The following TRHDE variants were observed in gnomAD, a reference collection of about 807,000 sequenced individuals.
The protein encoded by TRHDE is thyrotropin-releasing hormone-degrading ectoenzyme.
In TRHDE, 72 loss-of-function variants were observed where a neutral mutation model predicts 125.7. That is an observed-to-expected ratio of 0.57 (90% CI 0.47 to 0.70). The LOEUF (loss-of-function observed/expected upper bound fraction) is 0.70. Ranked by LOEUF, TRHDE falls within the 30% of genes least tolerant of loss-of-function variation. The pLI is 0.00. For synonymous variants in TRHDE, 509 were observed against 509.1 expected, an observed-to-expected ratio of 1.00 and a Z score of 0.00; for missense variants, 1,110 against 1,327.1, an observed-to-expected ratio of 0.84 and a Z score of 2.54.
At chr12:72,430,291 GTATATATGTA>G (rs1198394562) in intron 3 of TRHDE, among the ~76,000 whole-genome samples, 10 of 138,432 alleles carry the variant, frequency 7.2e-5, no homozygotes, top group African/African-American at 2.2e-4. Context: ...TTGTGTGTGT[GTATATATGTA>G]TATATATGTA....
chr12:72,574,656 T>A (rs951649366), intron 10 of TRHDE, among the ~76,000 whole-genome samples: 2 of 152,092 alleles, frequency 1.3e-5, no homozygotes, highest in African/African-American at 4.8e-5. Flanking sequence ...TCCAAAGTGA[T>A]CCCAATAAGC....
chr12:72,205,613 G>A (rs1877648824), intron 2 of TRHDE, among the ~76,000 whole-genome samples: 1 of 152,046 alleles, frequency 6.6e-6, no homozygotes, highest in South Asian at 2.1e-4. Flanking sequence ...TGCAGTATTT[G>A]TCTTTATGTG....
At position 72,525,634 on chromosome 12, in the gene TRHDE, TGAGA is replaced by T. The variant is rs1204575457; in HGVS notation, c.1723-16638_1723-16635del. Among the ~76,000 whole-genome samples, 164 of 98,924 alleles carry T rather than the reference TGAGA, an allele frequency of 1.7e-3. 1 individual carries two copies. Among genetic ancestry groups the T allele is most frequent in the African/African-American group, 3.7e-3 (136 of 36,458 alleles). The allele number at this position is 98,924 out of a possible 152,430, so 64.9% of individuals were successfully genotyped here. A position where few individuals can be genotyped will look rare whatever the true frequency, so the allele number is the denominator to read the frequency against. ...GTGTGTGTGTGTGTGTGTGTGTGTGTGAGAGAGAGAGAGAGAGAGAGAAAGTTGG... is the reference window on the plus strand; with the variant it reads ...GTGTGTGTGTGTGTGTGTGTGTGTGTGAGAGAGAGAGAGAGAGAAAGTTGG... On this transcript the variant is annotated intron_variant, in intron 6 of 18. Coordinates refer to ENST00000261180, the MANE Select transcript of TRHDE (RefSeq NM_013381.3).
chr12:72,319,407 A>G (rs895297458), intron 2 of TRHDE, among the ~76,000 whole-genome samples: 2 of 152,210 alleles, frequency 1.3e-5, no homozygotes, highest in Non-Finnish European at 2.9e-5. Context: ...GACTTTAATC[A>G]ACAACATGAA....
At chr12:72,168,512 C>G (rs948251212) in intron 2 of TRHDE, among the ~76,000 whole-genome samples, 3 of 152,154 alleles carry the variant, frequency 2.0e-5, no homozygotes, top group African/African-American at 7.2e-5. Flanking sequence ...GCAGAAGAAG[C>G]TTTCTTGATC....
intron 3 of TRHDE, among the ~76,000 whole-genome samples, chr12:72,447,175 C>T (rs1233134473): frequency 6.6e-6 from 1 of 152,034 alleles, no homozygotes; most frequent in Non-Finnish European, 1.5e-5. Flanking sequence ...TCTCTCAGAC[C>T]ACAGTGCAAT....
At chr12:72,243,869 A>G (rs879589876) in intron 2 of TRHDE, among the ~76,000 whole-genome samples, 19 of 152,310 alleles carry the variant, frequency 1.2e-4, no homozygotes, top group Admixed American at 3.3e-4. Context: ...TGAAGCCTGG[A>G]ATTATTGTAG....
At chr12:72,400,948 G>A (rs1565727969) in intron 3 of TRHDE, among the ~76,000 whole-genome samples, 1 of 152,000 alleles carries the variant, frequency 6.6e-6, no homozygotes, top group Non-Finnish European at 1.5e-5. Flanking sequence ...TAAGATAAAT[G>A]CACTCCAATG....
intron 2 of TRHDE, among the ~76,000 whole-genome samples, chr12:72,243,525 C>A (rs1001795039): frequency 3.3e-5 from 5 of 152,046 alleles, no homozygotes; most frequent in African/African-American, 1.2e-4. Flanking sequence ...ATATTTATTA[C>A]CTGTTGAAAT....
At chr12:72,552,248 A>T (rs1565787518) in intron 7 of TRHDE, among the ~76,000 whole-genome samples, 1 of 152,182 alleles carries the variant, frequency 6.6e-6, no homozygotes, top group Non-Finnish European at 1.5e-5. Context: ...GGGCAAAAAA[A>T]GTGAGGAGGA....
Position 72,273,696 on chromosome 12 carries a change from T to C in TRHDE, c.914+139T>C. The C allele has an allele frequency of 2.5e-6, 2 of 811,022 alleles. No individual in the cohort carries two copies. Among genetic ancestry groups the C allele is most frequent in the Non-Finnish European group, 3.9e-6 (2 of 517,378 alleles). The allele number at this position is 811,022 out of a possible 1,614,324, so 50.2% of individuals were successfully genotyped here. A position where few individuals can be genotyped will look rare whatever the true frequency, so the allele number is the denominator to read the frequency against. On this transcript the variant is annotated intron_variant, in intron 1 of 18. Transcript: ENST00000261180. The surrounding 1 kb of genome is among the most constrained non-coding windows in gnomAD (Gnocchi z 5.3). ...TGGGGGGAAGGAAACGAAAGCGGAGTAGGGCAGTCAGAACTCCGGGGTCTC... is the reference window on the plus strand; with the variant it reads ...TGGGGGGAAGGAAACGAAAGCGGAGCAGGGCAGTCAGAACTCCGGGGTCTC...
At chr12:72,632,992 T>C (rs2136088294) in intron 15 of TRHDE, among the ~76,000 whole-genome samples, 1 of 152,174 alleles carries the variant, frequency 6.6e-6, no homozygotes. Context: ...AAAGTGATCT[T>C]ATAGCCCAGC....
At chr12:72,331,362 TGGAAAA>T (rs1869588724) in intron 2 of TRHDE, among the ~76,000 whole-genome samples, 1 of 67,464 alleles carries the variant, frequency 1.5e-5, no homozygotes. Context: ...AAGAAAATAA[TGGAAAA>T]AGCTACTGAA....
chr12:72,150,975 C>G (rs1876348365), intron 2 of TRHDE, among the ~76,000 whole-genome samples: 1 of 152,264 alleles, frequency 6.6e-6, no homozygotes, highest in Admixed American at 6.5e-5. Context: ...AATCGCCACA[C>G]CGACTTCCAC....
At chr12:72,646,436 A>G (rs976444640) in intron 15 of TRHDE, among the ~76,000 whole-genome samples, 8 of 152,076 alleles carry the variant, frequency 5.3e-5, no homozygotes, top group Non-Finnish European at 8.8e-5. Flanking sequence ...GAAAAAAATG[A>G]GACCAATGGA....
intron 2 of TRHDE, among the ~76,000 whole-genome samples, chr12:72,351,110 A>T (rs758772381): frequency 2.0e-5 from 3 of 151,992 alleles, no homozygotes; most frequent in Non-Finnish European, 4.4e-5. Context: ...TTCGGGTTTT[A>T]CAGACAAAAT....
At chr12:72,373,186 C>A (rs1871695471) in intron 2 of TRHDE, among the ~76,000 whole-genome samples, 1 of 152,090 alleles carries the variant, frequency 6.6e-6, no homozygotes, top group Non-Finnish European at 1.5e-5. Context: ...ATTTGGCTCT[C>A]TGTTTGTCTG....
At chr12:72,278,896 C>A (rs1356141313) in intron 1 of TRHDE, among the ~76,000 whole-genome samples, 1 of 152,136 alleles carries the variant, frequency 6.6e-6, no homozygotes, top group East Asian at 1.9e-4. Flanking sequence ...TATAGGTTGT[C>A]TTTTTACTTT....
Position 72,273,606 on chromosome 12 carries a change from C to A in TRHDE, c.914+49C>A. 1.3e-6 allele frequency: 2 copies of A among 1,524,860 alleles called. No individual in the cohort carries two copies. Among genetic ancestry groups the A allele is most frequent in the Non-Finnish European group, 1.8e-6 (2 of 1,134,774 alleles). The allele number at this position is 1,524,860 out of a possible 1,614,324, so 94.5% of individuals were successfully genotyped here. A position where few individuals can be genotyped will look rare whatever the true frequency, so the allele number is the denominator to read the frequency against. ...CGCTGCCCCACCCCGGCGCGCGGCT[C>A]GAACCTCTGGGCGGCCTGCGACCCC... On this transcript the variant is annotated intron_variant, in intron 1 of 18. Transcript: ENST00000261180. The surrounding 1 kb of genome is among the most constrained non-coding windows in gnomAD (Gnocchi z 5.3).
Sources: gnomAD v4.1 joint callset for allele counts (sites outside exome capture counted in the v4.1 genomes callset) on GRCh38, gnomAD v4.1.1 for gene constraint, Gnocchi (gnomAD v3.1) non-coding constraint, MANE v1.5 for transcripts, NCBI Gene and HGNC (gene_info 2026-07-23, HGNC 2026-07-21) for gene names.